The following EVI5L variants were observed in gnomAD, a reference collection of about 807,000 sequenced individuals.
The protein encoded by EVI5L is EVI5-like protein.
In EVI5L, 30 loss-of-function variants were observed where a neutral mutation model predicts 106.1. The observed-to-expected ratio is 0.28, with a 90% CI of 0.21 to 0.38. The LOEUF is 0.38. Among genes scored for constraint, EVI5L ranks in the 10% least tolerant of loss-of-function variants. The probability of loss-of-function intolerance (pLI) is 1.00; values close to 1 mark genes in which losing one functional copy is unlikely to be tolerated. For missense variants in EVI5L, 809 were observed against 1,098.0 expected (o/e 0.74, Z 3.72); for synonymous variants, 489 against 483.3 (o/e 1.01, Z -0.15).
rs781520333 is a variant in EVI5L, at chr19:7,849,425, C to G, written c.627+95C>G. 1.5e-5 allele frequency: 20 copies of G among 1,336,460 alleles called. No homozygotes were observed. The African/African-American group carries it at 2.7e-4, about 18-fold the overall frequency. The allele number at this position is 1,336,460 out of a possible 1,614,324, so 82.8% of individuals were successfully genotyped here. ...GGACAGAAGTGGCGTGTCCTCCACCCAGCGTCTTGCTAGGGGTAGATCCTC... is the reference window on the plus strand; with the variant it reads ...GGACAGAAGTGGCGTGTCCTCCACCGAGCGTCTTGCTAGGGGTAGATCCTC... On this transcript the variant is annotated intron_variant, in intron 5 of 19. Transcript: ENST00000538904.
In EVI5L at chr19:7,839,052, C is replaced by T. The variant is rs186780131; in HGVS notation, c.-47-7444C>T. ...GCACGGTGGCTCACGCCTGTAATCT[C>T]AGAACTTTGGGAGGCCAATGCGGGC... On this transcript the variant is annotated intron_variant, in intron 1 of 19. Coordinates refer to ENST00000538904, the MANE Select transcript of EVI5L (RefSeq NM_001159944.3). 3.3e-5 allele frequency among the ~76,000 whole-genome samples: 5 copies of T among 151,110 alleles called. 1 individual carries two copies. The highest frequency in any genetic ancestry group is 7.4e-5 in the Non-Finnish European group (5 of 67,858).
chr19:7,846,920 G>A (rs958168792), intron 2 of EVI5L, among the ~76,000 whole-genome samples: 6 of 152,196 alleles, frequency 3.9e-5, no homozygotes, highest in African/African-American at 9.7e-5. Context: ...CTGTGAATCC[G>A]CCGCGGTTAA....
intron 1 of EVI5L, among the ~76,000 whole-genome samples, chr19:7,842,720 ATGTGTGTAT>A (rs1273998531): frequency 8.0e-5 from 12 of 150,798 alleles, no homozygotes; most frequent in African/African-American, 2.4e-4. Context: ...GTGCACGAGT[ATGTGTGTAT>A]TGTGTGCATG....
chr19:7,853,319 C>CAGATCG lies in EVI5L; in HGVS notation c.1138_1143dup (p.Glu380_Ile381dup). On this transcript the variant is annotated inframe_insertion, in exon 10 of 20. Transcript: ENST00000538904. ...CATGAAGAGCAAGGAGATGGAGGAG[C>CAGATCG]AGATCGAGATCAAAGTGAGTCCAGG... is the stretch of plus-strand genomic sequence containing the variant. 1 of 1,611,988 alleles carries CAGATCG rather than the reference C, an allele frequency of 6.2e-7. No homozygotes were observed. Among genetic ancestry groups the CAGATCG allele is most frequent in the Non-Finnish European group, 8.5e-7 (1 of 1,179,214 alleles).
At position 7,857,297 on chromosome 19, in the gene EVI5L, G is replaced by A; in HGVS notation, c.1233+173G>A. 3.7e-6 allele frequency: 3 copies of A among 820,954 alleles called. No individual in the cohort carries two copies. The highest frequency in any genetic ancestry group is 5.9e-6 in the Non-Finnish European group (3 of 506,572). 50.9% of individuals were successfully genotyped at this position (820,954 alleles called of 1,614,324 possible). On this transcript the variant is annotated intron_variant, in intron 12 of 19. Transcript: ENST00000538904. This position sits in a 1 kb window ranked among gnomAD's most constrained non-coding sequence, Gnocchi z 4.5. Reference sequence around the variant, plus strand: ...ACACAGAGGCTTCCCGGGGGGGCGGGGCATGTGAAGTGGGGAGAAGGGTGT... The same window carrying A: ...ACACAGAGGCTTCCCGGGGGGGCGGAGCATGTGAAGTGGGGAGAAGGGTGT...
Position 7,863,353 on chromosome 19 carries a change from T to A in EVI5L, c.2140-71T>A. On this transcript the variant is annotated intron_variant, in intron 19 of 19. Transcript: ENST00000538904. This position sits in a 1 kb window ranked among gnomAD's most constrained non-coding sequence, Gnocchi z 7.7. ...TGGGACGAGCCGAGCGCAGGTGCCT[T>A]GCGGAGGATGCGGCTGGGAGGGCGG... 1 of 1,542,182 alleles carries A rather than the reference T, an allele frequency of 6.5e-7. No homozygotes were observed. The highest frequency in any genetic ancestry group is 8.7e-7 in the Non-Finnish European group (1 of 1,143,148).
Position 7,863,369 on chromosome 19 carries a change from G to A in EVI5L, c.2140-55G>A. 1.3e-6 allele frequency: 2 copies of A among 1,537,078 alleles called. No homozygotes were observed. Among genetic ancestry groups the A allele is most frequent in the South Asian group, 1.2e-5 (1 of 82,900 alleles). On this transcript the variant is annotated intron_variant, in intron 19 of 19. Transcript: ENST00000538904. The surrounding 1 kb of genome is among the most constrained non-coding windows in gnomAD (Gnocchi z 7.7). ...CAGGTGCCTTGCGGAGGATGCGGCT[G>A]GGAGGGCGGGGCAGAAGGCCGGTCC... is the stretch of plus-strand genomic sequence containing the variant.
intron 1 of EVI5L, among the ~76,000 whole-genome samples, chr19:7,832,944 G>GA (rs1438040910): frequency 1.3e-5 from 2 of 152,154 alleles, no homozygotes; most frequent in Non-Finnish European, 2.9e-5. Context: ...AGGCGTGGAG[G>GA]AAAAGACTCC....
In EVI5L at chr19:7,856,141, C is replaced by A. The variant is rs535121197; in HGVS notation, c.1200+73C>A. 2.3e-6 allele frequency: 3 copies of A among 1,278,462 alleles called. No homozygotes were observed. The highest frequency in any genetic ancestry group is 3.0e-6 in the Non-Finnish European group (3 of 991,428). 79.2% of individuals were successfully genotyped at this position (1,278,462 alleles called of 1,614,324 possible). On this transcript the variant is annotated intron_variant, in intron 11 of 19. Transcript: ENST00000538904. This position sits in a 1 kb window ranked among gnomAD's most constrained non-coding sequence, Gnocchi z 6.6. ...CCACCATGCGGGGCATGGCCGCTAA[C>A]CTGGGGTGGACTCCTCCAAGTCTTC...
chr19:7,863,343 G>A lies in EVI5L; in HGVS notation c.2139+63G>A. On this transcript the variant is annotated intron_variant, in intron 19 of 19. Transcript: ENST00000538904. The surrounding 1 kb of genome is among the most constrained non-coding windows in gnomAD (Gnocchi z 7.7). ...GTCGTCGGCCTGGGACGAGCCGAGC[G>A]CAGGTGCCTTGCGGAGGATGCGGCT... is the stretch of plus-strand genomic sequence containing the variant. The A allele has an allele frequency of 6.5e-7, 1 of 1,545,708 alleles. No homozygotes were observed.
rs1979087575 is a variant in EVI5L at position 7,848,808 on chromosome 19, T to A, written c.328-113T>A. 8.4e-6 allele frequency: 8 copies of A among 950,426 alleles called. No individual in the cohort carries two copies. The highest frequency in any genetic ancestry group is 1.3e-5 in the Non-Finnish European group (8 of 634,554). The allele number at this position is 950,426 out of a possible 1,614,324, so 58.9% of individuals were successfully genotyped here. ...AAAAAAAGGATTGGGGACCATGAGT[T>A]CTGTGCCATGCTTGAGGCCTGGATG... On this transcript the variant is annotated intron_variant, in intron 3 of 19. Coordinates refer to ENST00000538904, the MANE Select transcript of EVI5L (RefSeq NM_001159944.3). This position sits in a 1 kb window ranked among gnomAD's most constrained non-coding sequence, Gnocchi z 4.8.
chr19:7,857,843 C>G lies in EVI5L; in HGVS notation c.1234-348C>G. 3.6e-6 allele frequency: 1 copy of G among 275,070 alleles called. No individual in the cohort carries two copies. Among genetic ancestry groups the G allele is most frequent in the Non-Finnish European group, 7.0e-6 (1 of 142,778 alleles). The allele number at this position is 275,070 out of a possible 1,614,324, so 17.0% of individuals were successfully genotyped here. A position where few individuals can be genotyped will look rare whatever the true frequency, so the allele number is the denominator to read the frequency against. On this transcript the variant is annotated intron_variant, in intron 12 of 19. Coordinates refer to ENST00000538904, the MANE Select transcript of EVI5L (RefSeq NM_001159944.3). The surrounding 1 kb of genome is among the most constrained non-coding windows in gnomAD (Gnocchi z 4.5). ...AGCTGTCCCCAGATCCTCACCCTCA[C>G]CGGCAGAGTCTGGCATGAATAGGCA...
chr19:7,831,920 C>T (rs905870989), intron 1 of EVI5L, among the ~76,000 whole-genome samples: 4 of 152,262 alleles, frequency 2.6e-5, no homozygotes, highest in Admixed American at 2.6e-4. Flanking sequence ...CATTTGAGAC[C>T]TGGGTCGGGG....
chr19:7,833,848 G>C (rs1978308528), intron 1 of EVI5L, among the ~76,000 whole-genome samples: 2 of 152,222 alleles, frequency 1.3e-5, no homozygotes, highest in African/African-American at 4.8e-5. Flanking sequence ...GCACACACAT[G>C]CTAGCAGCCC....
Position 7,861,731 on chromosome 19 carries a change from C to T in EVI5L, c.1504-147C>T. 5.6e-6 allele frequency: 6 copies of T among 1,067,012 alleles called. No individual in the cohort carries two copies. In the South Asian group the frequency reaches 8.3e-5, roughly 15 times the overall value. 66.1% of individuals were successfully genotyped at this position (1,067,012 alleles called of 1,614,324 possible). ...GGGTTCCACAGGCGAGTCCGCTCCC[C>T]GTGGGCCTTGTCAAGGGGGTCGCCC... On this transcript the variant is annotated intron_variant, in intron 14 of 19. Transcript: ENST00000538904.
rs541503428 is a variant in EVI5L at position 7,850,434 on chromosome 19, C to T, written c.753+312C>T. On this transcript the variant is annotated intron_variant, in intron 6 of 19. Transcript: ENST00000538904. This position sits in a 1 kb window ranked among gnomAD's most constrained non-coding sequence, Gnocchi z 5.4. ...ACATCGGACACAGCCACAGCCACCT[C>T]CCTGTCTGCTCCAGAGTGTGGTGGA... 1.5e-4 allele frequency among the ~76,000 whole-genome samples: 23 copies of T among 152,266 alleles called. 1 individual carries two copies. Among genetic ancestry groups the T allele is most frequent in the Admixed American group, 1.2e-3 (19 of 15,306 alleles).
intron 6 of EVI5L, 54 bp from the exon 7 acceptor site, chr19:7,851,380 C>T (rs112811801): frequency 1.3e-6 from 2 of 1,575,762 alleles, no homozygotes; most frequent in Non-Finnish European, 1.7e-6. Context: ...CCCAGCACCC[C>T]CCGGTGGGAG....
At chr19:7,836,449 A>T (rs920280080) in intron 1 of EVI5L, among the ~76,000 whole-genome samples, 1 of 152,174 alleles carries the variant, frequency 6.6e-6, no homozygotes, top group Admixed American at 6.5e-5. Flanking sequence ...TTCCCAAAGT[A>T]AAAGAATACA....
At chr19:7,833,520 G>C (rs748723527) in intron 1 of EVI5L, among the ~76,000 whole-genome samples, 2 of 152,220 alleles carry the variant, frequency 1.3e-5, no homozygotes, top group Admixed American at 6.5e-5. Flanking sequence ...CGGAAAAAAA[G>C]CCTGATGCAT....
Sources: allele counts gnomAD v4.1 joint callset (sites outside exome capture counted in the v4.1 genomes callset), GRCh38; gene constraint gnomAD v4.1.1; non-coding constraint Gnocchi (gnomAD v3.1); transcripts MANE v1.5; gene names NCBI Gene and HGNC (gene_info 2026-07-23, HGNC 2026-07-21).